Variants in LSM5 observed in about 807,000 individuals in gnomAD.
LSM5 encodes LSM5 homolog, U6 small nuclear RNA and mRNA degradation associated, also known as U6 snRNA-associated Sm-like protein LSm5.
LSM5 carries 8 observed loss-of-function variants against 13.8 expected under a neutral mutation model. That is an observed-to-expected ratio of 0.58 (90% CI 0.34 to 1.04). LSM5 has a LOEUF of 1.04. Among genes scored for constraint, LSM5 ranks in the 50% least tolerant of loss-of-function variants. The pLI is 0.03. For synonymous variants in LSM5, 35 were observed against 37.0 expected (o/e 0.95, Z 0.20); for missense variants, 80 against 108.1 (o/e 0.74, Z 1.15).
intron 4 of LSM5, 148 bp from the exon 5 acceptor site, chr7:32,487,441 A>G (rs1173343768): frequency 1.0e-5 from 7 of 699,004 alleles, no homozygotes; most frequent in Admixed American, 5.1e-5. Flanking sequence ...ACAATTCCCA[A>G]CGTCATCAAT....
upstream of LSM5, chr7:32,490,701 C>T: frequency 2.7e-6 from 1 of 374,552 alleles, no homozygotes; most frequent in Non-Finnish European, 5.3e-6. Flanking sequence ...AAGCCAGAAT[C>T]TTCAAACCAG....
At chr7:32,488,033 T>C in intron 3 of LSM5, 1 of 323,278 alleles carries the variant, frequency 3.1e-6, no homozygotes, top group South Asian at 3.2e-5. Context: ...AAATATGAAA[T>C]GAAATGTTTT....
rs913925650 is a variant in LSM5 at position 32,485,744 on chromosome 7, C to A, written c.*1517G>T. Reference sequence around the variant, plus strand: ...GACCAGCCTGGCCAACAAGGTAAAACCCCATCTCTCTAAAAATATAAAAAT... The same window carrying A: ...GACCAGCCTGGCCAACAAGGTAAAAACCCATCTCTCTAAAAATATAAAAAT... On this transcript the variant is annotated 3_prime_UTR_variant, in exon 5 of 5. Transcript: ENST00000450169. 3 of 152,034 alleles carry A rather than the reference C, an allele frequency of 2.0e-5. No homozygotes were observed. The highest frequency in any genetic ancestry group is 7.3e-5 in the African/African-American group (3 of 41,366). The allele number at this position is 152,034 out of a possible 1,614,324, so 9.4% of individuals were successfully genotyped here.
chr7:32,492,097 T>C (rs1271313776), upstream of LSM5, among the ~76,000 whole-genome samples: 1 of 152,236 alleles, frequency 6.6e-6, no homozygotes, highest in African/African-American at 2.4e-5. Context: ...TTTTTCTTTT[T>C]GTCCAATCCT....
intron 1 of LSM5, 45 bp downstream of exon 1, chr7:32,490,275 T>G: frequency 6.2e-7 from 1 of 1,614,074 alleles, no homozygotes; most frequent in East Asian, 2.2e-5. Flanking sequence ...CCCCCAATCC[T>G]GAATGTCAGC....
chr7:32,491,283 G>C (rs911091601), upstream of LSM5, among the ~76,000 whole-genome samples: 1 of 151,346 alleles, frequency 6.6e-6, no homozygotes, highest in Non-Finnish European at 1.5e-5. Context: ...TGTAGTCCCA[G>C]CTACTCGGGA....
At chr7:32,493,568 C>G (rs1583466205), upstream of LSM5, among the ~76,000 whole-genome samples, 1 of 151,960 alleles carries the variant, frequency 6.6e-6, no homozygotes, top group South Asian at 2.1e-4. Context: ...GAGATGGAGT[C>G]TCATTCTGTC....
intron 2 of LSM5, 74 bp from the exon 3 acceptor site, chr7:32,488,726 T>A: frequency 9.5e-7 from 1 of 1,051,688 alleles, no homozygotes; most frequent in Non-Finnish European, 1.5e-6. Flanking sequence ...TTGTTTTTTG[T>A]TTTTGTTTTT....
upstream of LSM5, chr7:32,494,852 A>T (rs1046449605): frequency 1.3e-5 from 2 of 152,220 alleles, no homozygotes; most frequent in Non-Finnish European, 2.9e-5. Context: ...GTTGTCAAGG[A>T]TATTCTGTTT....
upstream of LSM5, among the ~76,000 whole-genome samples, chr7:32,491,123 G>A (rs968466544): frequency 7.2e-5 from 11 of 152,242 alleles, no homozygotes; most frequent in African/African-American, 2.6e-4. Context: ...TAGGTCAGGC[G>A]CAGTGGTAAC....
intron 3 of LSM5, chr7:32,488,231 G>A (rs1786493285): frequency 9.6e-6 from 2 of 207,486 alleles, no homozygotes; most frequent in Non-Finnish European, 1.9e-5. Flanking sequence ...AGAGACAGGG[G>A]TCTCCCTTTG....
chr7:32,493,944 C>T (rs1470298171), upstream of LSM5, among the ~76,000 whole-genome samples: 3 of 151,896 alleles, frequency 2.0e-5, no homozygotes, highest in Admixed American at 6.6e-5. Flanking sequence ...CTCCACCTCC[C>T]GGATTCAAGC....
chr7:32,488,719 T>TTTTTTG (rs756318825), intron 2 of LSM5, 67 bp from the exon 3 acceptor site: 724 of 1,174,838 alleles, frequency 6.2e-4, no homozygotes, highest in Non-Finnish European at 8.5e-4. Context: ...TCAGCTTTTG[T>TTTTTTG]TTTTTGTTTT....
intron 2 of LSM5, 66 bp from the exon 3 acceptor site, chr7:32,488,718 G>T: frequency 8.5e-7 from 1 of 1,169,916 alleles, no homozygotes. Flanking sequence ...TTCAGCTTTT[G>T]TTTTTTGTTT....
At chr7:32,490,509 CT>C, upstream of LSM5, 2 of 658,092 alleles carry the variant, frequency 3.0e-6, no homozygotes, top group Non-Finnish European at 2.7e-6. Flanking sequence ...CGTTCACTGG[CT>C]TTTTTCCCCG....
At position 32,486,316 on chromosome 7, in the gene LSM5, T is replaced by C. The variant is rs1786445963; in HGVS notation, c.*945A>G. ...TCACCATTTAAATTCAAAAAATGAC[T>C]TAAGTGGAGGGTAAAAACAGTATAA... On this transcript the variant is annotated 3_prime_UTR_variant, in exon 5 of 5. Transcript: ENST00000450169. 6.6e-6 allele frequency: 1 copy of C among 152,168 alleles called. No homozygotes were observed. Among genetic ancestry groups the C allele is most frequent in the African/African-American group, 2.4e-5 (1 of 41,444 alleles). 9.4% of individuals were successfully genotyped at this position (152,168 alleles called of 1,614,324 possible).
upstream of LSM5, among the ~76,000 whole-genome samples, chr7:32,493,688 A>G (rs1786647673): frequency 6.7e-6 from 1 of 149,006 alleles, no homozygotes; most frequent in South Asian, 2.1e-4. Flanking sequence ...GGGATTACAC[A>G]CACCACCATG....
At chr7:32,493,437 T>C (rs1786636278), upstream of LSM5, among the ~76,000 whole-genome samples, 1 of 151,868 alleles carries the variant, frequency 6.6e-6, no homozygotes, top group South Asian at 2.1e-4. Context: ...AATTCTTAAG[T>C]GGTCCAGTCT....
chr7:32,487,611 T>C, intron 4 of LSM5, 74 bp downstream of exon 4: 1 of 827,276 alleles, frequency 1.2e-6, no homozygotes, highest in East Asian at 2.4e-5. Flanking sequence ...CAAGCAACAT[T>C]AAGGTTAGTT....
Sources: gnomAD v4.1 joint callset for allele counts (sites outside exome capture counted in the v4.1 genomes callset) on GRCh38, gnomAD v4.1.1 for gene constraint, MANE v1.5 for transcripts, NCBI Gene and HGNC (gene_info 2026-07-23, HGNC 2026-07-21) for gene names.